Variants in FSIP1 observed in about 807,000 individuals in gnomAD.
The protein encoded by FSIP1 is fibrous sheath-interacting protein 1.
FSIP1 carries 65 observed loss-of-function variants against 60.9 expected under a neutral mutation model. The observed-to-expected ratio is 1.07, with a 90% confidence interval of 0.87 to 1.31. The LOEUF (loss-of-function observed/expected upper bound fraction) is 1.31. Ranked by LOEUF, FSIP1 falls within the 40% of genes most tolerant of loss-of-function variation. FSIP1 has a pLI of 0.00. For missense variants in FSIP1, 675 were observed against 665.5 expected, an observed-to-expected ratio of 1.01 and a Z score of -0.16; for synonymous variants, 209 against 221.2, an observed-to-expected ratio of 0.94 and a Z score of 0.49.
chr15:39,599,822 G>A (rs141424212), downstream of FSIP1, among the ~76,000 whole-genome samples: 211 of 152,216 alleles, frequency 1.4e-3, 1 homozygote, highest in African/African-American at 4.9e-3. Flanking sequence ...TAAATTATAC[G>A]TAGCACATTG....
At chr15:39,720,399 T>A (rs1895905393) in intron 9 of FSIP1, among the ~76,000 whole-genome samples, 1 of 152,088 alleles carries the variant, frequency 6.6e-6, no homozygotes, top group South Asian at 2.1e-4. Context: ...AGAAAATAAA[T>A]CAAATTAAGG....
intron 6 of FSIP1, among the ~76,000 whole-genome samples, chr15:39,740,027 A>G (rs886822032): frequency 1.2e-4 from 19 of 152,246 alleles, no homozygotes; most frequent in African/African-American, 4.3e-4. Flanking sequence ...ATTATCATGT[A>G]TCAAACTTCT....
chr15:39,743,350 C>A (rs1896867686), intron 5 of FSIP1, among the ~76,000 whole-genome samples: 1 of 151,920 alleles, frequency 6.6e-6, no homozygotes, highest in East Asian at 1.9e-4. Context: ...CTACATACAA[C>A]AAAGGTGCCA....
rs149948625 is a variant in FSIP1 at position 39,637,710 on chromosome 15, G to A, written c.1189-19465C>T. ...AGTGGAACTTCCTAGATTCAATGAT[G>A]AGAGGCAAGCTCTGAATCCTGCTAA... On this transcript the variant is annotated intron_variant, in intron 10 of 11. Coordinates refer to ENST00000350221, the MANE Select transcript of FSIP1 (RefSeq NM_152597.5). Among the ~76,000 whole-genome samples, 14 of 152,180 alleles carry A rather than the reference G, an allele frequency of 9.2e-5. No individual in the cohort carries two copies. The East Asian group carries it at 2.5e-3, about 27-fold the overall frequency.
chr15:39,688,660 T>A (rs920877371), intron 10 of FSIP1, among the ~76,000 whole-genome samples: 1 of 152,206 alleles, frequency 6.6e-6, no homozygotes, highest in Non-Finnish European at 1.5e-5. Flanking sequence ...GAAAAATATC[T>A]ATTTTTATTC....
At chr15:39,614,035 A>C (rs1015429202) in intron 11 of FSIP1, among the ~76,000 whole-genome samples, 1 of 152,116 alleles carries the variant, frequency 6.6e-6, no homozygotes, top group South Asian at 2.1e-4. Context: ...AAGGATGCCC[A>C]CTCTCACCAC....
intron 10 of FSIP1, among the ~76,000 whole-genome samples, chr15:39,710,396 CT>C (rs1429098956): frequency 1.4e-5 from 2 of 145,194 alleles, no homozygotes; most frequent in East Asian, 4.1e-4. Context: ...GGTGGGAGGA[CT>C]ACCTGCACTC....
At chr15:39,625,709 C>T (rs1217156322) in intron 10 of FSIP1, among the ~76,000 whole-genome samples, 1 of 152,114 alleles carries the variant, frequency 6.6e-6, no homozygotes, top group Admixed American at 6.5e-5. Flanking sequence ...CTGGAGGGGG[C>T]CTGGCACCTC....
intron 11 of FSIP1, among the ~76,000 whole-genome samples, chr15:39,609,645 T>G (rs1422141986): frequency 1.3e-5 from 2 of 152,140 alleles, no homozygotes; most frequent in Non-Finnish European, 2.9e-5. Flanking sequence ...CCTGAATGGC[T>G]GAGCACAACA....
intron 10 of FSIP1, among the ~76,000 whole-genome samples, chr15:39,691,674 G>C (rs1894606519): frequency 6.6e-6 from 1 of 152,176 alleles, no homozygotes; most frequent in Admixed American, 6.5e-5. Flanking sequence ...TGTTTGATGG[G>C]TACACTTTTT....
intron 10 of FSIP1, among the ~76,000 whole-genome samples, chr15:39,629,176 T>A (rs1351163441): frequency 6.6e-6 from 1 of 152,086 alleles, no homozygotes; most frequent in African/African-American, 2.4e-5. Context: ...GAGTAAGCTG[T>A]CATGTGTACT....
At chr15:39,607,224 T>C (rs1890858772) in intron 11 of FSIP1, among the ~76,000 whole-genome samples, 1 of 152,152 alleles carries the variant, frequency 6.6e-6, no homozygotes, top group Non-Finnish European at 1.5e-5. Context: ...CTCCACCCTA[T>C]TGGTTTTACA....
intron 10 of FSIP1, among the ~76,000 whole-genome samples, chr15:39,679,151 A>G (rs955401545): frequency 6.6e-6 from 1 of 152,198 alleles, no homozygotes; most frequent in Non-Finnish European, 1.5e-5. Context: ...ATTCTTAGGA[A>G]GTTCTATTCT....
intron 10 of FSIP1, among the ~76,000 whole-genome samples, chr15:39,680,156 A>C (rs1894103122): frequency 1.3e-5 from 2 of 151,874 alleles, no homozygotes. Flanking sequence ...CTGTCTCAAA[A>C]AAAATAATAA....
chr15:39,688,231 C>T (rs1251130144), intron 10 of FSIP1, among the ~76,000 whole-genome samples: 1 of 152,190 alleles, frequency 6.6e-6, no homozygotes, highest in African/African-American at 2.4e-5. Context: ...TGCTCCTCAA[C>T]TTACAATGGG....
chr15:39,722,618 A>G (rs28629181), intron 9 of FSIP1, among the ~76,000 whole-genome samples: 18,030 of 151,918 alleles, frequency 0.12, 1,294 homozygotes, highest in African/African-American at 0.2. Flanking sequence ...CTCCTTGGAT[A>G]TGCTCTCTCT....
chr15:39,602,896 A>G (rs1566846908), intron 11 of FSIP1, among the ~76,000 whole-genome samples: 1 of 152,206 alleles, frequency 6.6e-6, no homozygotes, highest in African/African-American at 2.4e-5. Flanking sequence ...ATTTTCATCA[A>G]TAGAACTAGA....
intron 3 of FSIP1, among the ~76,000 whole-genome samples, chr15:39,767,760 G>A (rs1032547556): frequency 6.6e-6 from 1 of 152,158 alleles, no homozygotes; most frequent in Non-Finnish European, 1.5e-5. Flanking sequence ...CAGCCACTGG[G>A]CAGCCTGACT....
chr15:39,626,626 C>CCA, intron 10 of FSIP1, among the ~76,000 whole-genome samples: 1 of 152,230 alleles, frequency 6.6e-6, no homozygotes, highest in Middle Eastern at 3.4e-3. Context: ...TGAGAAAGTT[C>CCA]TCACAAGATC....
Sources: allele counts gnomAD v4.1 joint callset (sites outside exome capture counted in the v4.1 genomes callset), GRCh38; gene constraint gnomAD v4.1.1; transcripts MANE v1.5; gene names NCBI Gene and HGNC (gene_info 2026-07-23, HGNC 2026-07-21).